The following TASP1 variants were observed in gnomAD, a reference collection of about 807,000 sequenced individuals.
TASP1 encodes the protein taspase 1.
TASP1 carries 16 observed loss-of-function variants against 56.6 expected under a neutral mutation model. That is an observed-to-expected ratio of 0.28 (90% CI 0.19 to 0.43). The LOEUF is 0.43. Ranked by LOEUF, TASP1 falls within the 20% of genes least tolerant of loss-of-function variation. The pLI, the probability that TASP1 is intolerant of heterozygous loss-of-function variation, is 1.00. For synonymous variants in TASP1, 179 were observed against 184.2 expected (o/e 0.97, Z 0.23); for missense variants, 393 against 511.6 (o/e 0.77, Z 2.24).
chr20:13,521,625 C>A (rs1486682427), intron 10 of TASP1, among the ~76,000 whole-genome samples: 1 of 87,112 alleles, frequency 1.1e-5, no homozygotes. Flanking sequence ...CACACCGGGG[C>A]TTGTTGTGGG....
the TASP1 span, among the ~76,000 whole-genome samples, chr20:13,290,580 C>T: frequency 5.3e-5 from 8 of 152,122 alleles, 1 homozygote; most frequent in East Asian, 1.4e-3. Flanking sequence ...ACCCGGGAGG[C>T]GGAGCTTGCA....
the TASP1 span, among the ~76,000 whole-genome samples, chr20:13,134,694 T>C: frequency 6.6e-6 from 1 of 151,720 alleles, no homozygotes; most frequent in Non-Finnish European, 1.5e-5. Context: ...AACAGATCTG[T>C]GCAGTGGGAG....
At position 13,580,367 on chromosome 20, in the gene TASP1, A is replaced by G. The variant is rs57602234; in HGVS notation, c.488+530T>C. On this transcript the variant is annotated intron_variant, in intron 6 of 13. Coordinates refer to ENST00000337743, the MANE Select transcript of TASP1 (RefSeq NM_017714.3). ...GAGGCTGAGGCAGGAGGATCTCTTG[A>G]GCCCAGGAGGTCAAGGCTGCAGTGA... Among the ~76,000 whole-genome samples, 271 of 152,286 alleles carry G rather than the reference A, an allele frequency of 1.8e-3. 1 individual carries two copies. The highest frequency in any genetic ancestry group is 6.1e-3 in the African/African-American group (255 of 41,566).
At chr20:13,429,880 C>G (rs2042746447) in intron 12 of TASP1, among the ~76,000 whole-genome samples, 1 of 152,036 alleles carries the variant, frequency 6.6e-6, no homozygotes, top group East Asian at 1.9e-4. Flanking sequence ...TTTGCCCTTT[C>G]TTCTTTCGGG....
At chr20:13,119,088 C>A in the TASP1 span, among the ~76,000 whole-genome samples, 1 of 152,232 alleles carries the variant, frequency 6.6e-6, no homozygotes, top group Non-Finnish European at 1.5e-5. Flanking sequence ...CCTTCCTAGA[C>A]TGTCGAAGCA....
chr20:13,617,616 T>C (rs2048567652), intron 4 of TASP1, among the ~76,000 whole-genome samples: 1 of 152,126 alleles, frequency 6.6e-6, no homozygotes, highest in South Asian at 2.1e-4. Flanking sequence ...GAAAATATAA[T>C]TTCTACAAAA....
At chr20:13,622,827 C>T (rs777371376) in intron 4 of TASP1, among the ~76,000 whole-genome samples, 2 of 152,172 alleles carry the variant, frequency 1.3e-5, no homozygotes, top group Admixed American at 1.3e-4. Flanking sequence ...AGCAGCAAGT[C>T]GATCTTCTGA....
chr20:13,193,648 C>T, the TASP1 span, among the ~76,000 whole-genome samples: 1 of 152,168 alleles, frequency 6.6e-6, no homozygotes, highest in East Asian at 1.9e-4. Flanking sequence ...AGAGAAAGGC[C>T]AGAGACAGGC....
chr20:13,584,201 T>C (rs1217272929), intron 5 of TASP1, among the ~76,000 whole-genome samples: 1 of 152,186 alleles, frequency 6.6e-6, no homozygotes, highest in African/African-American at 2.4e-5. Context: ...CAATTTGAAG[T>C]CATTTCAGAA....
chr20:13,590,742 T>C (rs2066443651), intron 4 of TASP1, among the ~76,000 whole-genome samples: 1 of 152,058 alleles, frequency 6.6e-6, no homozygotes, highest in Non-Finnish European at 1.5e-5. Context: ...GGTGCTCACC[T>C]GTAATCCCAG....
chr20:13,450,713 A>G (rs762435574), intron 11 of TASP1, among the ~76,000 whole-genome samples: 14 of 152,106 alleles, frequency 9.2e-5, no homozygotes, highest in Non-Finnish European at 1.9e-4. Flanking sequence ...ATGAAGTCTT[A>G]AACTCCTCAA....
the TASP1 span, chr20:13,153,950 T>A: frequency 6.2e-7 from 1 of 1,601,300 alleles, no homozygotes; most frequent in East Asian, 2.2e-5. Flanking sequence ...ACCGGACCTT[T>A]ACTTCCCTCT....
chr20:13,508,013 C>T (rs2146693246), intron 10 of TASP1, among the ~76,000 whole-genome samples: 1 of 152,192 alleles, frequency 6.6e-6, no homozygotes, highest in African/African-American at 2.4e-5. Context: ...GTTGAAAAAA[C>T]TGAATATCTA....
intron 12 of TASP1, among the ~76,000 whole-genome samples, chr20:13,433,856 A>AAAAAAC (rs965025966): frequency 4.0e-5 from 6 of 151,714 alleles, no homozygotes; most frequent in African/African-American, 1.2e-4. Context: ...AAAAAAAAAA[A>AAAAAAC]AAAACAGAAG....
intron 13 of TASP1, among the ~76,000 whole-genome samples, chr20:13,392,120 G>C (rs964892199): frequency 6.6e-6 from 1 of 151,944 alleles, no homozygotes; most frequent in Non-Finnish European, 1.5e-5. Context: ...GTAGACTCTA[G>C]AGTATCCTAC....
the TASP1 span, among the ~76,000 whole-genome samples, chr20:13,318,933 G>A: frequency 2.6e-5 from 4 of 152,290 alleles, no homozygotes; most frequent in African/African-American, 4.8e-5. Flanking sequence ...TATGCTATGT[G>A]TTACTATAAT....
the TASP1 span, among the ~76,000 whole-genome samples, chr20:13,108,988 C>CA: frequency 1.3e-5 from 2 of 152,052 alleles, no homozygotes; most frequent in African/African-American, 4.8e-5. Flanking sequence ...TTAGGAAATG[C>CA]AAAAAATACA....
chr20:13,538,568 T>C (rs546296093), intron 8 of TASP1, among the ~76,000 whole-genome samples: 4 of 152,282 alleles, frequency 2.6e-5, no homozygotes, highest in Admixed American at 2.0e-4. Context: ...AGATGACTTA[T>C]ACCCTAACAT....
At position 13,444,052 on chromosome 20, in the gene TASP1, G is replaced by A. The variant is rs1600815121; in HGVS notation, c.986-8898C>T. ...AAGACACTCTATCTCTCTGAACCGT[G>A]CTTTTTTTCCTTCATCTGAAAAATT... On this transcript the variant is annotated intron_variant, in intron 11 of 13. Transcript: ENST00000337743. Among the ~76,000 whole-genome samples, 5 of 152,292 alleles carry A rather than the reference G, an allele frequency of 3.3e-5. No homozygotes were observed. In the South Asian group the frequency reaches 1.0e-3, roughly 32 times the overall value.
Sources: allele counts gnomAD v4.1 joint callset (sites outside exome capture counted in the v4.1 genomes callset), GRCh38; gene constraint gnomAD v4.1.1; transcripts MANE v1.5; gene names NCBI Gene and HGNC (gene_info 2026-07-23, HGNC 2026-07-21).